The following RAP1GDS1 variants were observed in gnomAD, a reference collection of about 807,000 sequenced individuals.
The protein encoded by RAP1GDS1 is RAP1, GTP-GDP dissociation stimulator 1.
A neutral mutation model predicts 71.1 loss-of-function variants in RAP1GDS1; 35 were observed. The observed-to-expected ratio is 0.49, with a 90% CI of 0.38 to 0.65. The LOEUF (loss-of-function observed/expected upper bound fraction) is 0.65. RAP1GDS1 is among the 30% of genes least tolerant of loss of function. The pLI is 0.00. For synonymous variants in RAP1GDS1, 229 were observed against 243.1 expected (o/e 0.94, Z 0.54); for missense variants, 663 against 706.1 (o/e 0.94, Z 0.69).
At chr4:98,278,740 G>T (rs1724601397) in intron 1 of RAP1GDS1, among the ~76,000 whole-genome samples, 1 of 152,034 alleles carries the variant, frequency 6.6e-6, no homozygotes, top group Admixed American at 6.6e-5. Flanking sequence ...GAAATGGGGG[G>T]CCTATTTTAT....
chr4:98,403,775 T>C (rs1289650944), intron 6 of RAP1GDS1, among the ~76,000 whole-genome samples: 1 of 152,044 alleles, frequency 6.6e-6, no homozygotes, highest in Non-Finnish European at 1.5e-5. Flanking sequence ...GGAACAATTA[T>C]AGGAGATTGC....
chr4:98,409,241 T>C (rs556885612), intron 7 of RAP1GDS1: 1 of 152,286 alleles, frequency 6.6e-6, no homozygotes, highest in South Asian at 2.1e-4. Flanking sequence ...GAAAAATACG[T>C]TGGATAGCCC....
intron 6 of RAP1GDS1, among the ~76,000 whole-genome samples, chr4:98,399,852 GT>G: frequency 6.6e-6 from 1 of 152,164 alleles, no homozygotes; most frequent in Non-Finnish European, 1.5e-5. Context: ...CACTAGGGAG[GT>G]TCCTCAAAAA....
At chr4:98,434,143 A>G in intron 13 of RAP1GDS1, 81 bp downstream of exon 13, 2 of 1,521,504 alleles carry the variant, frequency 1.3e-6, no homozygotes, top group Non-Finnish European at 1.8e-6. Flanking sequence ...TTGAAGTCAG[A>G]CAGAACCTTG....
intron 5 of RAP1GDS1, among the ~76,000 whole-genome samples, chr4:98,385,423 T>C (rs575212252): frequency 6.6e-6 from 1 of 151,780 alleles, no homozygotes; most frequent in African/African-American, 2.4e-5. Flanking sequence ...TTGAGCTGTT[T>C]GGCCTTTCAA....
chr4:98,353,182 C>T (rs528730965), intron 4 of RAP1GDS1, among the ~76,000 whole-genome samples: 1 of 152,040 alleles, frequency 6.6e-6, no homozygotes, highest in African/African-American at 2.4e-5. Flanking sequence ...ATTGTAACAG[C>T]GTTAACAATT....
intron 2 of RAP1GDS1, among the ~76,000 whole-genome samples, chr4:98,329,060 A>C (rs1208000456): frequency 6.6e-6 from 1 of 152,190 alleles, no homozygotes; most frequent in African/African-American, 2.4e-5. Context: ...CACATTCTCA[A>C]ATATGATATT....
chr4:98,417,332 T>A, intron 8 of RAP1GDS1, 35 bp from the exon 9 acceptor site: 3 of 1,583,368 alleles, frequency 1.9e-6, no homozygotes, highest in Non-Finnish European at 2.6e-6. Context: ...TAGTTATTTT[T>A]CTCTTGCTTA....
intron 2 of RAP1GDS1, among the ~76,000 whole-genome samples, chr4:98,297,360 T>G (rs1727931153): frequency 1.3e-5 from 2 of 152,172 alleles, no homozygotes; most frequent in African/African-American, 4.8e-5. Context: ...GTGCTTTACT[T>G]TATTGAGCTT....
At chr4:98,287,847 T>A (rs2110268045) in intron 1 of RAP1GDS1, among the ~76,000 whole-genome samples, 1 of 152,252 alleles carries the variant, frequency 6.6e-6, no homozygotes, top group Middle Eastern at 3.4e-3. Context: ...AGTATTTAGG[T>A]ACATTCCTGT....
chr4:98,399,291 A>G (rs1018160307), intron 6 of RAP1GDS1, among the ~76,000 whole-genome samples: 1 of 152,208 alleles, frequency 6.6e-6, no homozygotes, highest in East Asian at 1.9e-4. Flanking sequence ...ACAGAATGGG[A>G]GAAAATATTT....
chr4:98,359,681 C>A (rs1482146398), intron 4 of RAP1GDS1, among the ~76,000 whole-genome samples: 1 of 152,082 alleles, frequency 6.6e-6, no homozygotes, highest in African/African-American at 2.4e-5. Flanking sequence ...CTTAAAATGT[C>A]TATAGGCTAA....
At chr4:98,370,195 A>G (rs1740160875) in intron 4 of RAP1GDS1, among the ~76,000 whole-genome samples, 1 of 152,224 alleles carries the variant, frequency 6.6e-6, no homozygotes. Context: ...CAGAAAAGTG[A>G]TAAAGGAGGG....
intron 4 of RAP1GDS1, 51 bp downstream of exon 4, chr4:98,352,652 T>C (rs1737388013): frequency 6.3e-7 from 1 of 1,590,706 alleles, no homozygotes; most frequent in Non-Finnish European, 8.6e-7. Context: ...AATTATGATA[T>C]TCAGACTAAT....
chr4:98,400,744 G>C (rs2110146806), intron 6 of RAP1GDS1, among the ~76,000 whole-genome samples: 1 of 152,154 alleles, frequency 6.6e-6, no homozygotes, highest in East Asian at 1.9e-4. Context: ...CCAACACAAA[G>C]TACTTGAGAT....
intron 4 of RAP1GDS1, among the ~76,000 whole-genome samples, chr4:98,363,787 CATTGAGACTA>C (rs1310415149): frequency 6.6e-6 from 1 of 152,070 alleles, no homozygotes; most frequent in Non-Finnish European, 1.5e-5. Context: ...AGAAGGGAAG[CATTGAGACTA>C]ATTGAAAGAC....
At chr4:98,375,784 A>G (rs1256035514) in intron 4 of RAP1GDS1, among the ~76,000 whole-genome samples, 2 of 152,158 alleles carry the variant, frequency 1.3e-5, no homozygotes, top group African/African-American at 4.8e-5. Flanking sequence ...TTGAGTACCT[A>G]CTATATACTA....
chr4:98,415,139 C>T (rs1293635757), intron 7 of RAP1GDS1, among the ~76,000 whole-genome samples: 3 of 152,120 alleles, frequency 2.0e-5, no homozygotes, highest in African/African-American at 7.2e-5. Flanking sequence ...CTTGCACATC[C>T]GTTTATAGGC....
At chr4:98,339,048 G>A (rs778851793) in intron 2 of RAP1GDS1, among the ~76,000 whole-genome samples, 1 of 152,100 alleles carries the variant, frequency 6.6e-6, no homozygotes, top group Non-Finnish European at 1.5e-5. Flanking sequence ...TGACCTTGAC[G>A]ATTTGTGTGA....
Sources: gnomAD v4.1 joint callset for allele counts (sites outside exome capture counted in the v4.1 genomes callset) on GRCh38, gnomAD v4.1.1 for gene constraint, MANE v1.5 for transcripts, NCBI Gene and HGNC (gene_info 2026-07-23, HGNC 2026-07-21) for gene names.